Variants in TTC39C observed in about 807,000 individuals in gnomAD.
The protein encoded by TTC39C is tetratricopeptide repeat domain 39C, also known as tetratricopeptide repeat protein 39C.
In TTC39C, 33 loss-of-function variants were observed where a neutral mutation model predicts 76.3. The ratio of observed to expected loss-of-function variants is 0.43; its 90% CI spans 0.33 to 0.58. The LOEUF is 0.58. Among genes scored for constraint, TTC39C ranks in the 20% least tolerant of loss-of-function variants. The pLI, the probability that TTC39C is intolerant of heterozygous loss-of-function variation, is 0.04. For missense variants in TTC39C, 595 were observed against 701.4 expected (o/e 0.85, Z 1.71); for synonymous variants, 254 against 260.6 (o/e 0.97, Z 0.24).
intron 8 of TTC39C, 21 bp from the exon 9 acceptor site, chr18:24,123,813 T>C: frequency 6.4e-7 from 1 of 1,563,872 alleles, no homozygotes; most frequent in Non-Finnish European, 8.7e-7. Flanking sequence ...ACTTAAGAAA[T>C]ATAATTATGG....
At chr18:24,110,941 C>T (rs1268399702) in intron 6 of TTC39C, among the ~76,000 whole-genome samples, 1 of 151,992 alleles carries the variant, frequency 6.6e-6, no homozygotes, top group East Asian at 1.9e-4. Flanking sequence ...CTAAGTCAGT[C>T]CTGGCCTAGT....
intron 1 of TTC39C, among the ~76,000 whole-genome samples, chr18:24,036,416 G>A (rs1425445656): frequency 3.3e-5 from 5 of 152,090 alleles, no homozygotes; most frequent in Admixed American, 6.5e-5. Context: ...ATAGTTTTCA[G>A]TGTATAAGTC....
rs1417818945 is a variant in TTC39C at position 24,082,956 on chromosome 18, G to T, written c.859G>T (p.Ala287Ser). ...WYHTVVRPFF[A>S]LDGSDNKAGL... is the part of the protein sequence containing the mutation. Reference sequence around the variant, plus strand: ...TCATACTGTAGTCCGCCCGTTTTTTGCCTTGGATGGCAGTGATAACAAGGC... The same window carrying T: ...TCATACTGTAGTCCGCCCGTTTTTTTCCTTGGATGGCAGTGATAACAAGGC... Residue 287 changes from alanine (A) to serine (S), a missense_variant, in exon 6 of 14, where the codon GCC becomes TCC. Coordinates refer to ENST00000317571, the MANE Select transcript of TTC39C (RefSeq NM_001135993.2). 7 of 1,610,206 alleles carry T rather than the reference G, an allele frequency of 4.3e-6. No homozygotes were observed. Among genetic ancestry groups the T allele is most frequent in the Non-Finnish European group, 5.9e-6 (7 of 1,178,702 alleles).
In TTC39C at chr18:24,118,073, G is replaced by C. The variant is rs2084918718; in HGVS notation, c.1079-52G>C. ...TCAGAGGCTCGTGGCTTAAATATGG[G>C]TCATAGAGCTCAGTACTTTAGGGTC... is the stretch of plus-strand genomic sequence containing the variant. On this transcript the variant is annotated intron_variant, in intron 7 of 13. Transcript: ENST00000317571. 7 of 1,479,498 alleles carry C rather than the reference G, an allele frequency of 4.7e-6. No homozygotes were observed. The East Asian group carries it at 1.6e-4, about 35-fold the overall frequency. The allele number at this position is 1,479,498 out of a possible 1,614,324, so 91.6% of individuals were successfully genotyped here.
Position 24,080,642 on chromosome 18 carries a change from A to G in TTC39C, c.518A>G (p.Tyr173Cys). 1 of 1,614,108 alleles carries G rather than the reference A, an allele frequency of 6.2e-7. No individual in the cohort carries two copies. The highest frequency in any genetic ancestry group is 8.5e-7 in the Non-Finnish European group (1 of 1,180,008). Residue 173 changes from tyrosine to cysteine, a missense_variant, in exon 5 of 14, where the codon TAT becomes TGT. Coordinates refer to ENST00000317571, the MANE Select transcript of TTC39C (RefSeq NM_001135993.2). ...RKAWKIYNKC[Y>C]LDINALQELY... is the part of the protein sequence containing the mutation. ...GCCTGGAAGATTTACAATAAATGCT[A>G]TCTGGACATCAATGCCCTTCAGGAG...
chr18:24,099,096 CATATATAT>C (rs33949735), intron 6 of TTC39C: 2 of 137,616 alleles, frequency 1.5e-5, no homozygotes, highest in African/African-American at 5.4e-5. Flanking sequence ...AACATATATA[CATATATAT>C]ATATAAAACG....
At chr18:24,021,789 A>G (rs1599242996) in intron 1 of TTC39C, among the ~76,000 whole-genome samples, 1 of 152,172 alleles carries the variant, frequency 6.6e-6, no homozygotes, top group South Asian at 2.1e-4. Context: ...GCCTACATAT[A>G]TCTAAGGTAG....
At chr18:23,993,870 T>G (rs962640841) in intron 1 of TTC39C, among the ~76,000 whole-genome samples, 3 of 152,204 alleles carry the variant, frequency 2.0e-5, no homozygotes, top group African/African-American at 7.2e-5. Flanking sequence ...TGTGCAAAAA[T>G]AATTGCTTTT....
At chr18:24,097,908 C>T (rs2084610316) in intron 6 of TTC39C, among the ~76,000 whole-genome samples, 1 of 152,066 alleles carries the variant, frequency 6.6e-6, no homozygotes, top group Non-Finnish European at 1.5e-5. Flanking sequence ...AGATCCTGCT[C>T]AGACATGTTA....
chr18:24,134,276 T>TG lies in TTC39C; in HGVS notation c.*1702_*1703insG. On this transcript the variant is annotated 3_prime_UTR_variant, in exon 14 of 14. Coordinates refer to ENST00000317571, the MANE Select transcript of TTC39C (RefSeq NM_001135993.2). Reference sequence around the variant, plus strand: ...ACATCTGTTTTTTGTTTTTTTTTTTTTTTTTTTTTTTTTTTGAGACGGAGT... The same window carrying TG: ...ACATCTGTTTTTTGTTTTTTTTTTTTGTTTTTTTTTTTTTTTGAGACGGAGT... The TG allele has an allele frequency of 2.2e-5, 3 of 133,424 alleles. No homozygotes were observed. Among genetic ancestry groups the TG allele is most frequent in the Non-Finnish European group, 4.8e-5 (3 of 62,704 alleles). 8.3% of individuals were successfully genotyped at this position (133,424 alleles called of 1,614,324 possible). A position where few individuals can be genotyped will look rare whatever the true frequency, so the allele number is the denominator to read the frequency against.
rs569875215 is a variant in TTC39C, at chr18:24,030,843, G to A, written c.167+15805G>A. ...CTAATTTTTTAGCCGAGACAGTTTC[G>A]CCATGTTGGCCAGCCTGGTCTCGAA... On this transcript the variant is annotated intron_variant, in intron 1 of 13. Coordinates refer to ENST00000317571, the MANE Select transcript of TTC39C (RefSeq NM_001135993.2). 2.0e-5 allele frequency among the ~76,000 whole-genome samples: 3 copies of A among 151,956 alleles called. No homozygotes were observed. In the South Asian group the frequency reaches 6.2e-4, roughly 32 times the overall value.
At chr18:24,016,168 CT>C (rs2083452351) in intron 1 of TTC39C, among the ~76,000 whole-genome samples, 1 of 152,226 alleles carries the variant, frequency 6.6e-6, no homozygotes, top group African/African-American at 2.4e-5. Context: ...CAACTGTGAA[CT>C]TTTCACTAAA....
intron 6 of TTC39C, among the ~76,000 whole-genome samples, chr18:24,109,595 T>C (rs1464126838): frequency 6.6e-6 from 1 of 152,232 alleles, no homozygotes; most frequent in Non-Finnish European, 1.5e-5. Context: ...ATTTATATAG[T>C]TCAGAGCACA....
At chr18:24,040,986 G>A (rs1215485663) in intron 1 of TTC39C, among the ~76,000 whole-genome samples, 1 of 152,136 alleles carries the variant, frequency 6.6e-6, no homozygotes, top group African/African-American at 2.4e-5. Flanking sequence ...AATGAAAGTG[G>A]CGTTAGTGGA....
At chr18:24,068,903 A>G (rs866312672) in intron 3 of TTC39C, among the ~76,000 whole-genome samples, 18 of 152,182 alleles carry the variant, frequency 1.2e-4, no homozygotes, top group Non-Finnish European at 2.1e-4. Flanking sequence ...TGCTTTTCGT[A>G]TTTCCCATGA....
intron 4 of TTC39C, 135 bp downstream of exon 4, chr18:24,069,406 A>G (rs1290453993): frequency 6.9e-6 from 5 of 721,922 alleles, no homozygotes; most frequent in Admixed American, 5.5e-5. Flanking sequence ...CTGATTTATT[A>G]CTGGGGAAAT....
At chr18:24,116,824 T>TG in intron 7 of TTC39C, among the ~76,000 whole-genome samples, 1 of 145,274 alleles carries the variant, frequency 6.9e-6, no homozygotes, top group Admixed American at 6.9e-5. Flanking sequence ...CCTTAGTTTT[T>TG]TTTTTTTTTT....
intron 7 of TTC39C, among the ~76,000 whole-genome samples, chr18:24,117,716 A>G (rs1013252716): frequency 6.6e-6 from 1 of 152,056 alleles, no homozygotes; most frequent in Non-Finnish European, 1.5e-5. Context: ...AAAAAGAAAA[A>G]AAAAAAAAAA....
At position 24,114,386 on chromosome 18, in the gene TTC39C, GT is replaced by G. The variant is rs2084864336; in HGVS notation, c.985-165del. On this transcript the variant is annotated intron_variant, in intron 6 of 13. Transcript: ENST00000317571. ...CTGTGCTTAGGTTAATTTCACAGCT[GT>G]TTGGGGGCAAATTGGAGTATTTTCC... 5.4e-6 allele frequency: 3 copies of G among 554,212 alleles called. No homozygotes were observed. In the South Asian group the frequency reaches 6.1e-5, roughly 11 times the overall value. The allele number at this position is 554,212 out of a possible 1,614,324, so 34.3% of individuals were successfully genotyped here.
Sources: gnomAD v4.1 joint callset for allele counts (sites outside exome capture counted in the v4.1 genomes callset) on GRCh38, gnomAD v4.1.1 for gene constraint, MANE v1.5 for transcripts, NCBI Gene and HGNC (gene_info 2026-07-23, HGNC 2026-07-21) for gene names.